KCNN2: variants seen among roughly 807,000 people sequenced by gnomAD.
KCNN2 encodes the protein potassium calcium-activated channel subfamily N member 2.
Under a neutral mutation model 55.5 loss-of-function variants are expected in KCNN2, and 24 were observed. The ratio of observed to expected loss-of-function variants is 0.43; its 90% CI spans 0.31 to 0.61. KCNN2 has a LOEUF of 0.61. Among genes scored for constraint, KCNN2 ranks in the 20% least tolerant of loss-of-function variants. The pLI, the probability that KCNN2 is intolerant of heterozygous loss-of-function variation, is 0.08. For synonymous variants in KCNN2, 431 were observed against 336.1 expected, an observed-to-expected ratio of 1.28 and a Z score of -3.09; for missense variants, 754 against 853.6, an observed-to-expected ratio of 0.88 and a Z score of 1.45.
chr5:114,474,477 T>C (rs1249034039), intron 5 of KCNN2, among the ~76,000 whole-genome samples: 2 of 152,188 alleles, frequency 1.3e-5, no homozygotes, highest in Admixed American at 1.3e-4. Context: ...CTCCTAAATT[T>C]GTTCTCAAAA....
chr5:114,289,150 G>C (rs536293628), intron 2 of KCNN2, among the ~76,000 whole-genome samples: 1 of 152,068 alleles, frequency 6.6e-6, no homozygotes. Flanking sequence ...AAATGTATTA[G>C]TAATAGAAGT....
intron 2 of KCNN2, among the ~76,000 whole-genome samples, chr5:114,297,297 G>T (rs888599279): frequency 6.6e-6 from 1 of 152,060 alleles, no homozygotes; most frequent in Non-Finnish European, 1.5e-5. Context: ...CAGCCTGGGT[G>T]ATAGGGCAAG....
rs187889448 is a variant in KCNN2 at position 114,328,622 on chromosome 5, A to G, written c.-184-32323A>G. The stretch of plus-strand genomic sequence containing the variant: ...GTTGTTTATAGGTATGATCCGGGAA[A>G]CCAGCTGCCCAGTGCCTGGTCACCT... On this transcript the variant is annotated intron_variant, in intron 2 of 10. Transcript: ENST00000512097. Among the ~76,000 whole-genome samples the G allele has an allele frequency of 1.8e-3, 280 of 152,278 alleles. 1 individual carries two copies. Among genetic ancestry groups the G allele is most frequent in the Non-Finnish European group, 3.2e-3 (221 of 68,020 alleles).
chr5:114,312,434 C>T (rs7719011), intron 2 of KCNN2, among the ~76,000 whole-genome samples: 536 of 22,000 alleles, frequency 0.024, 11 homozygotes, highest in East Asian at 0.043. Flanking sequence ...CACACACACA[C>T]ATATATATAT....
intron 1 of KCNN2, among the ~76,000 whole-genome samples, chr5:114,177,303 A>C (rs12651825): frequency 0.11 from 16,876 of 151,804 alleles, 1,191 homozygotes; most frequent in South Asian, 0.24. Flanking sequence ...GCGCCCGGCT[A>C]ATGTTTTGTA....
chr5:114,162,810 G>T (rs1752817545), intron 1 of KCNN2, among the ~76,000 whole-genome samples: 1 of 152,152 alleles, frequency 6.6e-6, no homozygotes, highest in Admixed American at 6.5e-5. Flanking sequence ...CCAGGTGTGG[G>T]ATATAATCTC....
At chr5:114,405,412 T>C (rs534995212) in intron 3 of KCNN2, among the ~76,000 whole-genome samples, 2 of 152,348 alleles carry the variant, frequency 1.3e-5, no homozygotes, top group Non-Finnish European at 2.9e-5. Context: ...GTGTATTTGT[T>C]TTAATGTCTG....
intron 1 of KCNN2, among the ~76,000 whole-genome samples, chr5:114,167,369 T>C (rs142430478): frequency 1.4e-4 from 22 of 152,272 alleles, no homozygotes; most frequent in African/African-American, 5.3e-4. Context: ...TCTCAATTGT[T>C]TTTTAAACTT....
intron 3 of KCNN2, among the ~76,000 whole-genome samples, chr5:114,410,946 G>A (rs1394736831): frequency 6.6e-6 from 1 of 152,142 alleles, no homozygotes; most frequent in Non-Finnish European, 1.5e-5. Context: ...TTTGAAAGCA[G>A]ACAAACTGGA....
At chr5:114,462,067 A>C (rs1464680346) in intron 3 of KCNN2, among the ~76,000 whole-genome samples, 1 of 152,134 alleles carries the variant, frequency 6.6e-6, no homozygotes, top group Non-Finnish European at 1.5e-5. Flanking sequence ...TGTCATAGAA[A>C]CCAGAGCAGG....
At chr5:114,389,390 G>A (rs76066829) in intron 2 of KCNN2, among the ~76,000 whole-genome samples, 1 of 152,138 alleles carries the variant, frequency 6.6e-6, no homozygotes, top group Non-Finnish European at 1.5e-5. Context: ...AGGCTCTGAA[G>A]CCAGATTGCT....
intron 1 of KCNN2, among the ~76,000 whole-genome samples, chr5:114,152,261 A>G (rs887157169): frequency 3.9e-5 from 6 of 152,180 alleles, no homozygotes; most frequent in Non-Finnish European, 8.8e-5. Context: ...AAATATTGAT[A>G]ATATCATGAA....
intron 2 of KCNN2, among the ~76,000 whole-genome samples, chr5:114,300,273 G>A (rs1330038869): frequency 2.0e-5 from 3 of 152,236 alleles, no homozygotes; most frequent in Admixed American, 2.0e-4. Flanking sequence ...TTAAAAGTCT[G>A]CTTTGGAGTT....
At chr5:114,063,494 A>T (rs1481079310) in intron 1 of KCNN2, among the ~76,000 whole-genome samples, 1 of 152,112 alleles carries the variant, frequency 6.6e-6, no homozygotes, top group African/African-American at 2.4e-5. Flanking sequence ...TGTCTAGAGA[A>T]CCACCCCCCC....
At chr5:114,272,394 CAT>C (rs1342229685) in intron 2 of KCNN2, among the ~76,000 whole-genome samples, 4 of 105,972 alleles carry the variant, frequency 3.8e-5, no homozygotes, top group African/African-American at 1.1e-4. Context: ...TATATACACA[CAT>C]ATATGTATGT....
chr5:114,317,118 A>G (rs926221630), intron 2 of KCNN2, among the ~76,000 whole-genome samples: 2 of 151,722 alleles, frequency 1.3e-5, no homozygotes, highest in African/African-American at 4.8e-5. Flanking sequence ...TACTGGCCCT[A>G]TGCTATTACT....
At chr5:114,437,655 A>C (rs2150091905) in intron 3 of KCNN2, among the ~76,000 whole-genome samples, 1 of 152,326 alleles carries the variant, frequency 6.6e-6, no homozygotes, top group South Asian at 2.1e-4. Context: ...GATTAACTTG[A>C]GTTTTCCAAC....
chr5:114,241,822 GTGTATATATATATA>G lies in KCNN2; in HGVS notation c.-185+20259_-185+20272del, dbSNP rs1561537301. On this transcript the variant is annotated intron_variant, in intron 2 of 10. Coordinates refer to the KCNN2 transcript ENST00000512097. ...TATATATACGTATATATATATATGTGTGTATATATATATATATATATATGGAGTGTGAAGGACCA... is the reference window on the plus strand; with the variant it reads ...TATATATACGTATATATATATATGTGTATATATATGGAGTGTGAAGGACCA... Among the ~76,000 whole-genome samples, 4 of 6,374 alleles carry G rather than the reference GTGTATATATATATA, an allele frequency of 6.3e-4. 1 individual carries two copies. Among genetic ancestry groups the G allele is most frequent in the Non-Finnish European group, 2.3e-3 (4 of 1,742 alleles). The allele number at this position is 6,374 out of a possible 152,430, so 4.2% of individuals were successfully genotyped here.
At chr5:114,427,683 G>A in intron 3 of KCNN2, among the ~76,000 whole-genome samples, 1 of 152,194 alleles carries the variant, frequency 6.6e-6, no homozygotes, top group East Asian at 1.9e-4. Flanking sequence ...GCCTTCCCCA[G>A]ATAAAGGAAA....
Sources: gnomAD v4.1 joint callset for allele counts (sites outside exome capture counted in the v4.1 genomes callset) on GRCh38, gnomAD v4.1.1 for gene constraint, MANE v1.5 for transcripts, NCBI Gene and HGNC (gene_info 2026-07-23, HGNC 2026-07-21) for gene names.